Variants in OCA2 observed in about 807,000 individuals in gnomAD.
The protein encoded by OCA2 is P protein.
In OCA2, 77 loss-of-function variants were observed where a neutral mutation model predicts 100.2. The ratio of observed to expected loss-of-function variants is 0.77; its 90% CI spans 0.64 to 0.93. The LOEUF is 0.93. OCA2 is among the 40% of genes least tolerant of loss of function. The probability of loss-of-function intolerance (pLI) is 0.00; values close to 1 mark genes in which losing one functional copy is unlikely to be tolerated. For synonymous variants in OCA2, 432 were observed against 439.2 expected (o/e 0.98, Z 0.21); for missense variants, 1,062 against 1,089.1 (o/e 0.98, Z 0.35).
intron 2 of OCA2, among the ~76,000 whole-genome samples, chr15:28,050,889 A>C (rs1315432140): frequency 6.6e-6 from 1 of 152,048 alleles, no homozygotes; most frequent in East Asian, 1.9e-4. Flanking sequence ...AACCGGTTCC[A>C]TCCCCATCTC....
intron 23 of OCA2, among the ~76,000 whole-genome samples, chr15:27,840,220 G>C (rs2035295348): frequency 6.6e-6 from 1 of 151,950 alleles, no homozygotes; most frequent in South Asian, 2.1e-4. Flanking sequence ...GAATGATAAA[G>C]AAAAATGCAG....
At chr15:27,903,994 G>A (rs1018688339) in intron 19 of OCA2, among the ~76,000 whole-genome samples, 2 of 152,178 alleles carry the variant, frequency 1.3e-5, no homozygotes, top group African/African-American at 4.8e-5. Context: ...TAAAAATAGT[G>A]CAGTGTGCTG....
At chr15:27,917,410 A>G (rs1157046546) in intron 19 of OCA2, among the ~76,000 whole-genome samples, 1 of 152,212 alleles carries the variant, frequency 6.6e-6, no homozygotes, top group Non-Finnish European at 1.5e-5. Context: ...AGCTTTGAAC[A>G]TGGATCCATC....
rs1247054226 is a variant in OCA2 at position 27,913,863 on chromosome 15, G to T, written c.2079+12264C>A. Among the ~76,000 whole-genome samples, 3 of 44,356 alleles carry T rather than the reference G, an allele frequency of 6.8e-5. 1 individual carries two copies. Among genetic ancestry groups the T allele is most frequent in the African/African-American group, 3.3e-4 (3 of 9,180 alleles). 29.1% of individuals were successfully genotyped at this position (44,356 alleles called of 152,430 possible). A position where few individuals can be genotyped will look rare whatever the true frequency, so the allele number is the denominator to read the frequency against. On this transcript the variant is annotated intron_variant, in intron 19 of 23. Transcript: ENST00000354638. The stretch of plus-strand genomic sequence containing the variant: ...GGAAAGAAAGAAAGAAAGAAAGAAA[G>T]AAAGAAAGAAAGAAAGAAAGAAAGA...
chr15:28,020,909 T>C (rs1411121849), intron 6 of OCA2, among the ~76,000 whole-genome samples: 2 of 152,112 alleles, frequency 1.3e-5, no homozygotes, highest in Admixed American at 6.5e-5. Flanking sequence ...GCTGGTGCCC[T>C]GCTGGGTAGG....
At chr15:27,773,967 T>G (rs2032037482) in intron 23 of OCA2, among the ~76,000 whole-genome samples, 1 of 152,246 alleles carries the variant, frequency 6.6e-6, no homozygotes, top group Non-Finnish European at 1.5e-5. Context: ...TAAAATATCA[T>G]TCCGTTAACT....
At chr15:27,819,373 G>A (rs779038372) in intron 23 of OCA2, among the ~76,000 whole-genome samples, 1 of 152,200 alleles carries the variant, frequency 6.6e-6, no homozygotes, top group Non-Finnish European at 1.5e-5. Context: ...ACAGGAGGCA[G>A]GGGACAACTT....
At chr15:28,017,977 T>C (rs1168708675) in intron 7 of OCA2, among the ~76,000 whole-genome samples, 1 of 151,714 alleles carries the variant, frequency 6.6e-6, no homozygotes, top group Admixed American at 6.6e-5. Context: ...CCTACACAGA[T>C]ACAGCAGCTC....
At chr15:27,746,336 C>T in the OCA2 span, among the ~76,000 whole-genome samples, 2 of 152,082 alleles carry the variant, frequency 1.3e-5, no homozygotes, top group Admixed American at 1.3e-4. Context: ...TGGTGCATCC[C>T]TGTAATCCCA....
At chr15:27,886,801 C>T (rs2037240282) in intron 19 of OCA2, among the ~76,000 whole-genome samples, 2 of 152,162 alleles carry the variant, frequency 1.3e-5, no homozygotes, top group African/African-American at 4.8e-5. Flanking sequence ...TTACTCCTGC[C>T]AAGCACACCT....
rs577871551 is a variant in OCA2, at chr15:27,922,284, A to G, written c.2079+3843T>C. ...CACGGTTTAAGCATTGCAGTAAACC[A>G]AGAAATACATGGGAATTGAGAGATC... is the stretch of plus-strand genomic sequence containing the variant. On this transcript the variant is annotated intron_variant, in intron 19 of 23. Transcript: ENST00000354638. Among the ~76,000 whole-genome samples the G allele has an allele frequency of 2.6e-5, 4 of 152,364 alleles. No individual in the cohort carries two copies. In the East Asian group the frequency reaches 5.8e-4, roughly 22 times the overall value.
chr15:27,995,848 T>G (rs915386298), intron 9 of OCA2, among the ~76,000 whole-genome samples: 26 of 150,854 alleles, frequency 1.7e-4, no homozygotes, highest in Non-Finnish European at 3.2e-4. Flanking sequence ...AGTCTCGCTC[T>G]GTCACCCAGG....
At chr15:27,924,396 CT>C (rs34422920) in intron 19 of OCA2, among the ~76,000 whole-genome samples, 67,568 of 151,622 alleles carry the variant, frequency 0.45, 15,737 homozygotes, top group African/African-American at 0.59. Flanking sequence ...AATTGTATGT[CT>C]TTTTTTTATC....
intron 14 of OCA2, among the ~76,000 whole-genome samples, chr15:27,968,532 C>A (rs2040658003): frequency 6.6e-6 from 1 of 152,128 alleles, no homozygotes; most frequent in African/African-American, 2.4e-5. Flanking sequence ...ATTAATTGTT[C>A]CTTATTAAAA....
intron 2 of OCA2, among the ~76,000 whole-genome samples, chr15:28,065,460 G>A (rs2043996059): frequency 6.6e-6 from 1 of 152,120 alleles, no homozygotes; most frequent in South Asian, 2.1e-4. Context: ...TCCAGCTTAT[G>A]TTCTGAGTTA....
chr15:27,807,130 C>T (rs1371996612), intron 23 of OCA2, among the ~76,000 whole-genome samples: 2 of 152,230 alleles, frequency 1.3e-5, no homozygotes, highest in Non-Finnish European at 2.9e-5. Context: ...TACCCATCCA[C>T]GGGCAGCCTG....
the OCA2 span, among the ~76,000 whole-genome samples, chr15:27,729,373 C>T: frequency 6.7e-6 from 1 of 149,410 alleles, no homozygotes; most frequent in African/African-American, 2.5e-5. Context: ...TCCAGTCTCT[C>T]CCTATTTCCA....
the OCA2 span, among the ~76,000 whole-genome samples, chr15:27,723,364 C>T: frequency 6.6e-6 from 1 of 152,142 alleles, no homozygotes; most frequent in South Asian, 2.1e-4. Context: ...CACAAACACA[C>T]GTGCTATGAG....
intron 6 of OCA2, among the ~76,000 whole-genome samples, chr15:28,019,500 G>T (rs753143253): frequency 2.0e-5 from 3 of 152,136 alleles, no homozygotes; most frequent in Non-Finnish European, 4.4e-5. Context: ...AATAGACCCT[G>T]CAACTACCGA....
Sources: gnomAD v4.1 joint callset for allele counts (sites outside exome capture counted in the v4.1 genomes callset) on GRCh38, gnomAD v4.1.1 for gene constraint, MANE v1.5 for transcripts, NCBI Gene and HGNC (gene_info 2026-07-23, HGNC 2026-07-21) for gene names.